The following CCDC9B variants were observed in gnomAD, a reference collection of about 807,000 sequenced individuals.
The protein encoded by CCDC9B is coiled-coil domain-containing protein 9B.
CCDC9B carries 40 observed loss-of-function variants against 47.2 expected under a neutral mutation model. The ratio of observed to expected loss-of-function variants is 0.85; its 90% CI spans 0.66 to 1.10. The LOEUF (loss-of-function observed/expected upper bound fraction) is 1.10. Among genes scored for constraint, CCDC9B ranks in the 50% least tolerant of loss-of-function variants. The probability of loss-of-function intolerance (pLI) is 0.00; values close to 1 mark genes in which losing one functional copy is unlikely to be tolerated. For missense variants in CCDC9B, 662 were observed against 651.0 expected (o/e 1.02, Z -0.18); for synonymous variants, 238 against 250.7 (o/e 0.95, Z 0.48).
rs1466857516 is a variant in CCDC9B at position 40,334,922 on chromosome 15, A to G, written c.*236T>C. ...TCAGATGCCAGATACTAGTACAGGA[A>G]TACACCAGGGGCTGTGCCCGTGCGT... On this transcript the variant is annotated 3_prime_UTR_variant, in exon 11 of 11. Transcript: ENST00000397536. 2.6e-6 allele frequency: 1 copy of G among 391,516 alleles called. No individual in the cohort carries two copies. The highest frequency in any genetic ancestry group is 4.6e-6 in the Non-Finnish European group (1 of 219,440). The allele number at this position is 391,516 out of a possible 1,614,324, so 24.3% of individuals were successfully genotyped here.
In CCDC9B at chr15:40,333,583, A is replaced by AAAAAAAAAAAAAAAAAAAAAAAC. The variant is rs1888898649; in HGVS notation, c.*1574_*1575insGTTTTTTTTTTTTTTTTTTTTTT. ...ACCCTAACTAAAAAAAAAAAAAAAA[A>AAAAAAAAAAAAAAAAAAAAAAAC]AAAAAGACGAACTCTCAGGCCCTCC... On this transcript the variant is annotated 3_prime_UTR_variant, in exon 11 of 11. Coordinates refer to ENST00000397536, the MANE Select transcript of CCDC9B (RefSeq NM_207380.3). The AAAAAAAAAAAAAAAAAAAAAAAC allele has an allele frequency of 6.6e-6, 1 of 152,048 alleles. No homozygotes were observed. Among genetic ancestry groups the AAAAAAAAAAAAAAAAAAAAAAAC allele is most frequent in the African/African-American group, 2.4e-5 (1 of 41,046 alleles). The allele number at this position is 152,048 out of a possible 1,614,324, so 9.4% of individuals were successfully genotyped here.
rs1273064476 is a variant in CCDC9B, at chr15:40,340,815, T to A, written c.5A>T (p.His2Leu). The change falls in exon 1 of 11, where the codon CAC becomes CTC. Residue 2 changes from histidine (H) to leucine (L), a missense_variant. Transcript: ENST00000397536. ...AGGCAGACTGCCACTCACAGCCGAG[T>A]GCATGGCAACGGCGGGCACCGAGAG... is the stretch of plus-strand genomic sequence containing the variant. The part of the protein sequence containing the change: M[H>L]SAGTPRAESP... The A allele has an allele frequency of 2.5e-6, 4 of 1,608,672 alleles. No individual in the cohort carries two copies. Among genetic ancestry groups the A allele is most frequent in the Middle Eastern group, 3.3e-4 (2 of 6,014 alleles).
At chr15:40,338,125 C>T (rs1477302890) in intron 5 of CCDC9B, 2 of 724,610 alleles carry the variant, frequency 2.8e-6, no homozygotes, top group Admixed American at 2.0e-5. Context: ...GGAGGATCTC[C>T]GTAGCACCAA....
Position 40,340,254 on chromosome 15 carries a change from C to T in CCDC9B, c.13-239G>A, listed in dbSNP as rs555817316. 13 of 547,308 alleles carry T rather than the reference C, an allele frequency of 2.4e-5. No homozygotes were observed. The East Asian group carries it at 4.1e-4, about 17-fold the overall frequency. 33.9% of individuals were successfully genotyped at this position (547,308 alleles called of 1,614,324 possible). On this transcript the variant is annotated intron_variant, in intron 1 of 10. Coordinates refer to ENST00000397536, the MANE Select transcript of CCDC9B (RefSeq NM_207380.3). ...CAGGTCAGGGCCTCATACCCCAAGC[C>T]ACAGCTCCCAGCAGTGGGGTGCCCC...
Position 40,340,019 on chromosome 15 carries a change from C to T in CCDC9B, c.13-4G>A. ...GGGACTCGGCTCTGGGAGTTCCCTGCAGAGGCAGGGAACCCAAGCTCCTGA... is the reference window on the plus strand; with the variant it reads ...GGGACTCGGCTCTGGGAGTTCCCTGTAGAGGCAGGGAACCCAAGCTCCTGA... On this transcript the variant is annotated splice_region_variant and splice_polypyrimidine_tract_variant and intron_variant, in intron 1 of 10. Transcript: ENST00000397536. 1 of 1,602,122 alleles carries T rather than the reference C, an allele frequency of 6.2e-7. No individual in the cohort carries two copies. The highest frequency in any genetic ancestry group is 8.5e-7 in the Non-Finnish European group (1 of 1,171,078).
intron 9 of CCDC9B, chr15:40,336,231 C>T: frequency 1.0e-6 from 1 of 985,468 alleles, no homozygotes; most frequent in Non-Finnish European, 1.2e-6. Flanking sequence ...ATACCACGCA[C>T]TCTGGGCCCA....
At chr15:40,339,471 AC>A (rs1391286975) in intron 3 of CCDC9B, 40 bp downstream of exon 3, 8 of 1,603,686 alleles carry the variant, frequency 5.0e-6, no homozygotes, top group Non-Finnish European at 6.8e-6. Flanking sequence ...CTGGGCCTCC[AC>A]CTCCTTGCTA....
At chr15:40,339,118 C>A in intron 3 of CCDC9B, 1 of 632,426 alleles carries the variant, frequency 1.6e-6, no homozygotes, top group Non-Finnish European at 2.8e-6. Context: ...AGTGGCCCGT[C>A]ATCTCTGAGC....
intron 1 of CCDC9B, 155 bp downstream of exon 1, chr15:40,340,653 T>C (rs531676857): frequency 5.8e-6 from 4 of 686,676 alleles, no homozygotes; most frequent in South Asian, 4.0e-5. Flanking sequence ...CAGGTTCCTC[T>C]CTGTCTGGAT....
chr15:40,335,284 G>A lies in CCDC9B; in HGVS notation c.1347C>T (p.Gly449=). The part of the protein sequence containing the change: ...GLPEPGEDRS[G]KSGAQQGLAP... ...CCAGGCCCTGCTGGGCCCCAGACTT[G>A]CCAGACCTGTCTTCTCCGGGCTCTG... is the stretch of plus-strand genomic sequence containing the variant. The change falls in exon 11 of 11, where the codon GGC becomes GGT. Residue 449 remains glycine, a synonymous_variant. Coordinates refer to ENST00000397536, the MANE Select transcript of CCDC9B (RefSeq NM_207380.3). 1 of 1,611,484 alleles carries A rather than the reference G, an allele frequency of 6.2e-7. No homozygotes were observed. The highest frequency in any genetic ancestry group is 8.5e-7 in the Non-Finnish European group (1 of 1,178,556).
intron 9 of CCDC9B, chr15:40,336,353 A>C: frequency 7.1e-6 from 7 of 985,400 alleles, no homozygotes; most frequent in Non-Finnish European, 8.4e-6. Flanking sequence ...CTCATTTCCC[A>C]GGGGAAGGGA....
intron 9 of CCDC9B, chr15:40,336,116 C>T (rs1057106490): frequency 8.1e-6 from 8 of 985,284 alleles, no homozygotes; most frequent in Non-Finnish European, 9.6e-6. Flanking sequence ...CTGGCAGAAG[C>T]CAAAGCCCAA....
chr15:40,335,378 C>G lies in CCDC9B; in HGVS notation c.1253G>C (p.Gly418Ala), dbSNP rs1888933914. The G allele has an allele frequency of 6.2e-7, 1 of 1,613,170 alleles. No homozygotes were observed. Among genetic ancestry groups the G allele is most frequent in the African/African-American group, 1.3e-5 (1 of 74,926 alleles). ...WPEGSKQQPL[G>A]WSNHQAELEV... ...CAGCTCAGCCTGGTGATTGCTCCAC[C>G]CCAGGGGCTGCTGCTTAGAGCCCTC... Residue 418 changes from glycine (G) to alanine (A), a missense_variant, in exon 11 of 11, where the codon GGG (glycine) becomes GCG (alanine). By Grantham distance (60) the Gly-to-Ala change is moderately conservative (BLOSUM62 0). Coordinates refer to ENST00000397536, the MANE Select transcript of CCDC9B (RefSeq NM_207380.3).
chr15:40,332,899 G>A lies in CCDC9B; in HGVS notation c.*2259C>T, dbSNP rs1888885289. 6.6e-6 allele frequency: 1 copy of A among 152,158 alleles called. No individual in the cohort carries two copies. Among genetic ancestry groups the A allele is most frequent in the Non-Finnish European group, 1.5e-5 (1 of 68,054 alleles). The allele number at this position is 152,158 out of a possible 1,614,324, so 9.4% of individuals were successfully genotyped here. ...GCTTGGAGTCTTTGCCCTGGCATAG[G>A]TGTGTCTCACATACATAGGAATGTT... On this transcript the variant is annotated 3_prime_UTR_variant, in exon 11 of 11. Transcript: ENST00000397536.
At position 40,335,905 on chromosome 15, in the gene CCDC9B, G is replaced by GGTGGA; in HGVS notation, c.888-84_888-80dup. The GGTGGA allele has an allele frequency of 6.4e-6, 10 of 1,556,190 alleles. 1 individual carries two copies. In the South Asian group the frequency reaches 9.5e-5, roughly 15 times the overall value. ...TCCCCCTGCCTGAATAGAGGGGTGGGGTGGAGTTGAGAGCCAGTGAGGAAG... is the reference window on the plus strand; with the variant it reads ...TCCCCCTGCCTGAATAGAGGGGTGGGGTGGAGTGGAGTTGAGAGCCAGTGAGGAAG... On this transcript the variant is annotated intron_variant, in intron 9 of 10. Transcript: ENST00000397536.
intron 3 of CCDC9B, 103 bp downstream of exon 3, chr15:40,339,409 G>C (rs1317944474): frequency 3.1e-6 from 4 of 1,273,758 alleles, no homozygotes; most frequent in Non-Finnish European, 4.5e-6. Flanking sequence ...GTGCACCCCA[G>C]AATAGTTAGT....
chr15:40,339,364 C>T (rs1889036808), intron 3 of CCDC9B, 148 bp downstream of exon 3: 3 of 752,188 alleles, frequency 4.0e-6, no homozygotes, highest in Admixed American at 2.3e-5. Flanking sequence ...GTGGGGACAG[C>T]AGTGGTCCGA....
chr15:40,336,741 C>T lies in CCDC9B; in HGVS notation c.796+19G>A. ...ATCTTTAGCTGACGAGACCTGGCCCCTCCTCCTCCCCAACTCACCTTTTCC... is the reference window on the plus strand; with the variant it reads ...ATCTTTAGCTGACGAGACCTGGCCCTTCCTCCTCCCCAACTCACCTTTTCC... On this transcript the variant is annotated intron_variant, in intron 8 of 10. Coordinates refer to ENST00000397536, the MANE Select transcript of CCDC9B (RefSeq NM_207380.3). 1 of 1,599,886 alleles carries T rather than the reference C, an allele frequency of 6.3e-7. No individual in the cohort carries two copies.
intron 7 of CCDC9B, 179 bp downstream of exon 7, chr15:40,337,209 G>C: frequency 2.7e-6 from 2 of 734,590 alleles, no homozygotes; most frequent in Non-Finnish European, 5.0e-6. Flanking sequence ...TGGGCTCAGA[G>C]GGGAGGATGG....
Sources: allele counts gnomAD v4.1 joint callset, GRCh38; gene constraint gnomAD v4.1.1; transcripts MANE v1.5; gene names NCBI Gene and HGNC (gene_info 2026-07-23, HGNC 2026-07-21).